The following KIF5A variants were observed in gnomAD, a reference collection of about 807,000 sequenced individuals.
KIF5A encodes the protein kinesin family member 5A.
A neutral mutation model predicts 141.3 loss-of-function variants in KIF5A; 35 were observed. The ratio of observed to expected loss-of-function variants is 0.25; its 90% CI spans 0.19 to 0.33. The LOEUF (loss-of-function observed/expected upper bound fraction) is 0.33, where lower values mean the gene tolerates loss of function less well. Ranked by LOEUF, KIF5A falls within the 10% of genes least tolerant of loss-of-function variation. The pLI, the probability that KIF5A is intolerant of heterozygous loss-of-function variation, is 1.00. For missense variants in KIF5A, 861 were observed against 1,314.3 expected, an observed-to-expected ratio of 0.66 and a Z score of 5.33; for synonymous variants, 448 against 500.2, an observed-to-expected ratio of 0.90 and a Z score of 1.39.
At chr12:57,570,995 C>T (rs1437604660) in intron 12 of KIF5A, among the ~76,000 whole-genome samples, 3 of 145,612 alleles carry the variant, frequency 2.1e-5, no homozygotes, top group Non-Finnish European at 3.0e-5. Flanking sequence ...GAGTTGGAGT[C>T]TCACTTTGTT....
Position 57,572,178 on chromosome 12 carries a change from C to G in KIF5A, c.1480C>G (p.Leu494Val). 1 of 1,613,790 alleles carries G rather than the reference C, an allele frequency of 6.2e-7. No homozygotes were observed. The highest frequency in any genetic ancestry group is 8.5e-7 in the Non-Finnish European group (1 of 1,179,862). Residue 494 changes from leucine (L) to valine (V), a missense_variant, in exon 14 of 29, where the codon CTG (leucine) becomes GTG (valine). By Grantham distance (32) the Leu-to-Val change is conservative. Coordinates refer to ENST00000455537, the MANE Select transcript of KIF5A (RefSeq NM_004984.4). This position sits in a 1 kb window ranked among gnomAD's most constrained non-coding sequence, Gnocchi z 4.2. Reference sequence around the variant, plus strand: ...GGAAGTGCTGCAGGCCCTGGAGGAGCTGGCTGTGAACTATGACCAGAAGTC... The same window carrying G: ...GGAAGTGCTGCAGGCCCTGGAGGAGGTGGCTGTGAACTATGACCAGAAGTC... ...VKEVLQALEE[L>V]AVNYDQKSQE...
At chr12:57,570,351 C>A (rs1882213013) in intron 12 of KIF5A, among the ~76,000 whole-genome samples, 189 bp downstream of exon 12, 1 of 152,186 alleles carries the variant, frequency 6.6e-6, no homozygotes, top group African/African-American at 2.4e-5. Context: ...TAACACTCAA[C>A]ATTTTGCTTT....
At chr12:57,573,165 T>C (rs551510223) in intron 15 of KIF5A, among the ~76,000 whole-genome samples, 178 of 152,326 alleles carry the variant, frequency 1.2e-3, no homozygotes, top group Middle Eastern at 3.4e-3. Context: ...CACTCTAGCC[T>C]GGGTTATAGA....
chr12:57,570,570 T>C (rs1276861028), intron 12 of KIF5A, among the ~76,000 whole-genome samples: 1 of 152,116 alleles, frequency 6.6e-6, no homozygotes, highest in Non-Finnish European at 1.5e-5. Flanking sequence ...GGCTAATTTT[T>C]GTATTTTTGG....
intron 8 of KIF5A, among the ~76,000 whole-genome samples, chr12:57,568,262 G>A (rs1490550674): frequency 6.6e-6 from 1 of 152,178 alleles, no homozygotes; most frequent in African/African-American, 2.4e-5. Flanking sequence ...GTGCAATTCA[G>A]TTGTTTGTAG....
At position 57,556,095 on chromosome 12, in the gene KIF5A, T is replaced by TAG. The variant is rs1205822286; in HGVS notation, c.129+5695_129+5696insAG. ...AATCATATCTCATGTCACATGGCTT[T>TAG]CCCTGCTCAGGAGATTACTAAATGC... is the stretch of plus-strand genomic sequence containing the variant. On this transcript the variant is annotated intron_variant, in intron 1 of 28. Transcript: ENST00000455537. Among the ~76,000 whole-genome samples the TAG allele has an allele frequency of 1.6e-4, 24 of 151,636 alleles. No individual in the cohort carries two copies. In the South Asian group the frequency reaches 4.8e-3, roughly 30 times the overall value.
chr12:57,568,450 G>A (rs953223013), intron 8 of KIF5A, among the ~76,000 whole-genome samples: 5 of 152,090 alleles, frequency 3.3e-5, no homozygotes, highest in African/African-American at 1.2e-4. Flanking sequence ...ATATGGCTGG[G>A]CACGGTGGCT....
intron 1 of KIF5A, 143 bp from the exon 2 acceptor site, chr12:57,563,296 C>T (rs570612544): frequency 1.1e-5 from 8 of 718,504 alleles, no homozygotes; most frequent in Middle Eastern, 2.4e-4. Context: ...TGAGCCACCA[C>T]GCCCGGCCAT....
chr12:57,578,512 C>T (rs1882498836), intron 23 of KIF5A, among the ~76,000 whole-genome samples, 170 bp downstream of exon 23: 1 of 152,138 alleles, frequency 6.6e-6, no homozygotes, highest in African/African-American at 2.4e-5. Context: ...CCACTTGTAC[C>T]TTGTTCTTTG....
chr12:57,560,862 A>G (rs916847624), intron 1 of KIF5A, among the ~76,000 whole-genome samples: 1 of 151,956 alleles, frequency 6.6e-6, no homozygotes, highest in African/African-American at 2.4e-5. Flanking sequence ...AATTAGGCAG[A>G]TATAGTGGTA....
chr12:57,574,038 C>CAT (rs1802468892), intron 15 of KIF5A, among the ~76,000 whole-genome samples: 2 of 142,218 alleles, frequency 1.4e-5, no homozygotes, highest in South Asian at 2.3e-4. Flanking sequence ...AGCAGAGATG[C>CAT]GGCACTGCAC....
At chr12:57,574,759 T>C (rs1264328617) in intron 15 of KIF5A, among the ~76,000 whole-genome samples, 1 of 151,864 alleles carries the variant, frequency 6.6e-6, no homozygotes, top group African/African-American at 2.4e-5. Flanking sequence ...TTTGTATTTT[T>C]AGTAGAGACA....
At chr12:57,580,787 T>C (rs917246783) in intron 23 of KIF5A, among the ~76,000 whole-genome samples, 169 bp from the exon 24 acceptor site, 2 of 152,166 alleles carry the variant, frequency 1.3e-5, no homozygotes, top group African/African-American at 2.4e-5. Flanking sequence ...GAACAGTCCA[T>C]TACATAAAGG....
chr12:57,577,968 C>G, intron 21 of KIF5A, 41 bp from the exon 22 acceptor site: 1 of 1,513,068 alleles, frequency 6.6e-7, no homozygotes, highest in South Asian at 1.1e-5. Flanking sequence ...TAGGACAGAC[C>G]TGGTATCTGG....
In KIF5A at chr12:57,571,356, G is replaced by A. The variant is rs1432671074; in HGVS notation, c.1329G>A (p.Glu443=). The change falls in exon 13 of 29, where the codon GAG becomes GAA. Residue 443 remains glutamate (E), a synonymous_variant. Transcript: ENST00000455537. ...DEINQQSQLI[E]KLKQQMLDQE... ...TCAACCAACAAAGCCAACTCATAGA[G>A]AAGCTCAAGCAGCAAATGCTGGACC... 10 of 1,613,724 alleles carry A rather than the reference G, an allele frequency of 6.2e-6. No individual in the cohort carries two copies. The highest frequency in any genetic ancestry group is 8.5e-6 in the Non-Finnish European group (10 of 1,179,830).
In KIF5A at chr12:57,572,886, C is replaced by T. The variant is rs1882300765; in HGVS notation, c.1716+160C>T. ...AAGACAGGTAGAGGCTTGTATAGAC[C>T]CAATTGAAAAGATACATTCTAGGTT... On this transcript the variant is annotated intron_variant, in intron 15 of 28. Coordinates refer to ENST00000455537, the MANE Select transcript of KIF5A (RefSeq NM_004984.4). This position sits in a 1 kb window ranked among gnomAD's most constrained non-coding sequence, Gnocchi z 4.2. 6.6e-6 allele frequency among the ~76,000 whole-genome samples: 1 copy of T among 152,092 alleles called. No homozygotes were observed. Among genetic ancestry groups the T allele is most frequent in the African/African-American group, 2.4e-5 (1 of 41,420 alleles).
intron 1 of KIF5A, among the ~76,000 whole-genome samples, chr12:57,561,027 ATTATTTGTTTGT>A (rs770166470): frequency 4.0e-5 from 6 of 151,782 alleles, no homozygotes; most frequent in Admixed American, 6.6e-5. Context: ...AGATTTTTTG[ATTATTTGTTTGT>A]TTATTTGTTT....
intron 5 of KIF5A, 98 bp downstream of exon 5, chr12:57,564,606 C>G: frequency 9.7e-7 from 1 of 1,028,880 alleles, no homozygotes; most frequent in Non-Finnish European, 1.5e-6. Context: ...ACAAGAGATG[C>G]AGAGGGCACA....
At chr12:57,566,474 G>A (rs779968497) in intron 6 of KIF5A, among the ~76,000 whole-genome samples, 18 of 150,744 alleles carry the variant, frequency 1.2e-4, no homozygotes, top group Non-Finnish European at 2.2e-4. Context: ...AGTGGCGCCC[G>A]ATCTTGGCTT....
Sources: gnomAD v4.1 joint callset for allele counts (sites outside exome capture counted in the v4.1 genomes callset) on GRCh38, gnomAD v4.1.1 for gene constraint, Gnocchi (gnomAD v3.1) non-coding constraint, MANE v1.5 for transcripts, NCBI Gene and HGNC (gene_info 2026-07-23, HGNC 2026-07-21) for gene names.